The following GPHN variants were observed in gnomAD, a reference collection of about 807,000 sequenced individuals.
GPHN encodes the protein gephyrin.
GPHN carries 17 observed loss-of-function variants against 95.5 expected under a neutral mutation model. The observed-to-expected ratio is 0.18, with a 90% CI of 0.12 to 0.27. GPHN has a LOEUF of 0.27. Ranked by LOEUF, GPHN falls within the 10% of genes least tolerant of loss-of-function variation. The probability of loss-of-function intolerance (pLI) is 1.00; values close to 1 mark genes in which losing one functional copy is unlikely to be tolerated. For missense variants in GPHN, 660 were observed against 978.1 expected (o/e 0.67, Z 4.34); for synonymous variants, 320 against 322.5 (o/e 0.99, Z 0.08).
chr14:67,074,679 C>T (rs1201636721), intron 11 of GPHN, among the ~76,000 whole-genome samples: 1 of 152,120 alleles, frequency 6.6e-6, no homozygotes, highest in East Asian at 1.9e-4. Flanking sequence ...AAACCTAGGC[C>T]GCTGGTGCTA....
At chr14:66,958,511 A>G (rs904917356) in intron 8 of GPHN, among the ~76,000 whole-genome samples, 1 of 152,190 alleles carries the variant, frequency 6.6e-6, no homozygotes, top group African/African-American at 2.4e-5. Flanking sequence ...ACACAAACCT[A>G]GATGGTATAA....
At chr14:67,570,417 A>T in the GPHN span, 3 of 362,322 alleles carry the variant, frequency 8.3e-6, no homozygotes, top group African/African-American at 2.2e-5. Context: ...ATTTTCATAC[A>T]CATTTTTGTC....
At chr14:66,616,598 G>A (rs953743477) in intron 1 of GPHN, among the ~76,000 whole-genome samples, 29 of 152,092 alleles carry the variant, frequency 1.9e-4, no homozygotes, top group African/African-American at 6.8e-4. Flanking sequence ...TCCTTCTTCT[G>A]GGATCTCTGA....
the GPHN span, chr14:67,585,444 A>G: frequency 1.5e-6 from 1 of 671,030 alleles, no homozygotes; most frequent in South Asian, 1.8e-5. Context: ...TTTGTTTTCC[A>G]AGATGAGGTG....
chr14:67,284,846 A>C, the GPHN span, among the ~76,000 whole-genome samples: 1 of 152,124 alleles, frequency 6.6e-6, no homozygotes, highest in African/African-American at 2.4e-5. Flanking sequence ...TTATGGATGA[A>C]TTAATATTCC....
At chr14:66,518,527 C>T (rs1403828801) in intron 1 of GPHN, among the ~76,000 whole-genome samples, 1 of 152,100 alleles carries the variant, frequency 6.6e-6, no homozygotes, top group Non-Finnish European at 1.5e-5. Context: ...ATGGAAGAGA[C>T]ACGTGTACCA....
chr14:66,797,128 A>G (rs1273903040), intron 3 of GPHN, among the ~76,000 whole-genome samples: 1 of 150,864 alleles, frequency 6.6e-6, no homozygotes, highest in Non-Finnish European at 1.5e-5. Flanking sequence ...TTTGTTGAAA[A>G]TAAGTTCACT....
the GPHN span, among the ~76,000 whole-genome samples, chr14:67,188,774 TTTCC>T: frequency 0.13 from 18,897 of 150,986 alleles, 1,220 homozygotes; most frequent in African/African-American, 0.15. Flanking sequence ...CTCAGTTTCT[TTTCC>T]TTCCTTCCTT....
chr14:66,930,529 T>G (rs947367287), intron 8 of GPHN, among the ~76,000 whole-genome samples: 1 of 150,178 alleles, frequency 6.7e-6, no homozygotes, highest in Non-Finnish European at 1.5e-5. Context: ...TTGTAGGTTT[T>G]TTTTTTTTTT....
intron 1 of GPHN, among the ~76,000 whole-genome samples, chr14:66,528,694 G>C (rs149929207): frequency 6.6e-6 from 1 of 152,136 alleles, no homozygotes; most frequent in African/African-American, 2.4e-5. Context: ...TGTCTGTAAA[G>C]GATTTTATTT....
chr14:67,203,236 A>G, the GPHN span: 3 of 1,612,272 alleles, frequency 1.9e-6, no homozygotes, highest in African/African-American at 4.0e-5. Context: ...AAAGATACAG[A>G]AACCCTGTTT....
chr14:66,866,176 C>T (rs2063214162), intron 4 of GPHN, among the ~76,000 whole-genome samples: 1 of 152,150 alleles, frequency 6.6e-6, no homozygotes, highest in South Asian at 2.1e-4. Context: ...GTATTATTAA[C>T]TATAGTCACC....
intron 3 of GPHN, among the ~76,000 whole-genome samples, chr14:66,803,565 A>G (rs1170201194): frequency 6.6e-6 from 1 of 152,012 alleles, no homozygotes; most frequent in Non-Finnish European, 1.5e-5. Flanking sequence ...GAATTTGAGG[A>G]AATTCTTAGA....
intron 9 of GPHN, among the ~76,000 whole-genome samples, chr14:66,974,662 A>G (rs2070089190): frequency 6.6e-6 from 1 of 152,248 alleles, no homozygotes; most frequent in East Asian, 1.9e-4. Context: ...GTACTTACTC[A>G]TTTGGAAAAA....
chr14:67,493,813 G>C, the GPHN span, among the ~76,000 whole-genome samples: 1 of 152,162 alleles, frequency 6.6e-6, no homozygotes, highest in African/African-American at 2.4e-5. Context: ...TGGACTTGGA[G>C]CTATAAGGAT....
the GPHN span, among the ~76,000 whole-genome samples, chr14:67,687,542 G>T: frequency 1.4e-5 from 2 of 145,862 alleles, no homozygotes; most frequent in African/African-American, 2.6e-5. Context: ...TATGATCTCA[G>T]CTCACCACAA....
chr14:67,503,448 A>T, the GPHN span: 1 of 152,230 alleles, frequency 6.6e-6, no homozygotes, highest in South Asian at 2.1e-4. Context: ...TGTAAAGGCT[A>T]TGGAGAGCTT....
At chr14:66,732,083 G>A (rs761542855) in intron 2 of GPHN, among the ~76,000 whole-genome samples, 9 of 152,150 alleles carry the variant, frequency 5.9e-5, no homozygotes, top group African/African-American at 1.7e-4. Context: ...GGCAGAAGTC[G>A]GGTTTAGGGG....
chr14:66,712,659 A>G (rs887222742), intron 2 of GPHN, among the ~76,000 whole-genome samples: 4 of 152,098 alleles, frequency 2.6e-5, no homozygotes, highest in African/African-American at 7.2e-5. Flanking sequence ...CCATTTGTCC[A>G]TTTTGGCTTT....
Sources: gnomAD v4.1 joint callset for allele counts (sites outside exome capture counted in the v4.1 genomes callset) on GRCh38, gnomAD v4.1.1 for gene constraint, MANE v1.5 for transcripts, NCBI Gene and HGNC (gene_info 2026-07-23, HGNC 2026-07-21) for gene names.